The following INO80 variants were observed in gnomAD, a reference collection of about 807,000 sequenced individuals.
INO80 encodes chromatin-remodeling ATPase INO80.
In INO80, 20 loss-of-function variants were observed where a neutral mutation model predicts 203.4. The observed-to-expected ratio is 0.10, with a 90% CI of 0.07 to 0.14. The LOEUF (loss-of-function observed/expected upper bound fraction) is 0.14. INO80 is among the 10% of genes least tolerant of loss of function. The pLI is 1.00. For missense variants in INO80, 1,419 were observed against 1,914.4 expected, an observed-to-expected ratio of 0.74 and a Z score of 4.83; for synonymous variants, 726 against 685.2, an observed-to-expected ratio of 1.06 and a Z score of -0.93.
intron 14 of INO80, among the ~76,000 whole-genome samples, chr15:41,065,079 G>C (rs184776509): frequency 6.6e-6 from 1 of 152,100 alleles, no homozygotes; most frequent in Non-Finnish European, 1.5e-5. Flanking sequence ...CACATTCTAT[G>C]AAAGTTTATT....
chr15:40,998,899 C>T (rs2043918104), intron 28 of INO80, among the ~76,000 whole-genome samples: 2 of 151,788 alleles, frequency 1.3e-5, no homozygotes, highest in African/African-American at 2.4e-5. Flanking sequence ...AGGTGATGCA[C>T]GTGCCTCAGC....
At chr15:41,011,654 G>A (rs891853402) in intron 27 of INO80, 1 of 151,804 alleles carries the variant, frequency 6.6e-6, no homozygotes, top group East Asian at 1.9e-4. Flanking sequence ...TATCAAGTGT[G>A]CCAATCCAAT....
chr15:41,112,978 C>T (rs2045979391), intron 1 of INO80, among the ~76,000 whole-genome samples: 1 of 151,576 alleles, frequency 6.6e-6, no homozygotes, highest in Admixed American at 6.6e-5. Context: ...TGCAGTGGCT[C>T]GATCTCGGCT....
chr15:41,085,556 C>G lies in INO80; in HGVS notation c.686G>C (p.Arg229Thr), dbSNP rs1566943476. 1 of 1,614,054 alleles carries G rather than the reference C, an allele frequency of 6.2e-7. No homozygotes were observed. Among genetic ancestry groups the G allele is most frequent in the African/African-American group, 1.3e-5 (1 of 75,036 alleles). Residue 229 changes from arginine (R) to threonine (T), a missense_variant, in exon 7 of 36, where the codon AGA (arginine) becomes ACA (threonine). Arg to Thr is a moderately conservative substitution (Grantham distance 71, BLOSUM62 -1). Around this residue, in one of 9 missense-constraint regions of INO80, gnomAD observed 323 missense variants for 325.4 expected, o/e 0.99. Coordinates refer to ENST00000648947, the MANE Select transcript of INO80 (RefSeq NM_017553.3). ...KAKLKKVKKK[R>T]RRDEELSSEE... The stretch of plus-strand genomic sequence containing the variant: ...AGAGGAAAGTTCTTCATCTCTTCGT[C>G]TTTTTTTCTTCACTTTTTTCAACTT...
chr15:41,096,945 G>A (rs1019124949), intron 1 of INO80, among the ~76,000 whole-genome samples: 7 of 152,212 alleles, frequency 4.6e-5, no homozygotes, highest in African/African-American at 1.7e-4. Flanking sequence ...GAGTAAAAGT[G>A]AGGGTGAGAA....
intron 29 of INO80, among the ~76,000 whole-genome samples, chr15:40,992,153 G>C (rs1386858268): frequency 1.3e-5 from 2 of 152,262 alleles, no homozygotes; most frequent in Non-Finnish European, 2.9e-5. Context: ...TCTCCCAAGA[G>C]AATAAGCGGA....
Position 41,081,086 on chromosome 15 carries a change from A to G in INO80, c.874-13T>C, listed in dbSNP as rs772519649. On this transcript the variant is annotated splice_polypyrimidine_tract_variant and intron_variant, in intron 7 of 35. Coordinates refer to ENST00000648947, the MANE Select transcript of INO80 (RefSeq NM_017553.3). ...TCTGCTTATTTGCCTAAAATATTTA[A>G]AAAACAATATTTCATTTAGGATTCA... The G allele has an allele frequency of 2.6e-6, 4 of 1,523,550 alleles. No homozygotes were observed. Among genetic ancestry groups the G allele is most frequent in the Non-Finnish European group, 3.6e-6 (4 of 1,098,732 alleles). The allele number at this position is 1,523,550 out of a possible 1,614,324, so 94.4% of individuals were successfully genotyped here.
intron 17 of INO80, among the ~76,000 whole-genome samples, chr15:41,055,804 G>A (rs2044972037): frequency 1.3e-5 from 2 of 152,128 alleles, no homozygotes; most frequent in Non-Finnish European, 2.9e-5. Context: ...TTGAAACATA[G>A]CCATGGCCAT....
chr15:41,035,659 A>G (rs879664866), intron 24 of INO80, among the ~76,000 whole-genome samples: 13 of 150,902 alleles, frequency 8.6e-5, no homozygotes, highest in Admixed American at 8.6e-4. Context: ...GTTTCTATTA[A>G]AAAATATAAA....
At chr15:41,005,269 T>C (rs903512815) in intron 28 of INO80, 1 of 212,138 alleles carries the variant, frequency 4.7e-6, no homozygotes, top group African/African-American at 2.3e-5. Context: ...TGGATTTTTT[T>C]CTACATACCT....
rs539629538 is a variant in INO80 at position 41,076,505 on chromosome 15, T to C, written c.1132-1940A>G. ...TAATGTCAGAAGGCTAAATTAAAAG[T>C]GCCTTTCAGGTGGACTGCTTGATCT... On this transcript the variant is annotated intron_variant, in intron 9 of 35. Coordinates refer to ENST00000648947, the MANE Select transcript of INO80 (RefSeq NM_017553.3). Among the ~76,000 whole-genome samples, 7 of 151,270 alleles carry C rather than the reference T, an allele frequency of 4.6e-5. No homozygotes were observed. In the South Asian group the frequency reaches 1.0e-3, roughly 23 times the overall value.
Position 41,048,269 on chromosome 15 carries a change from T to C in INO80, c.2584A>G (p.Arg862Gly). Residue 862 changes from arginine to glycine, a missense_variant, in exon 22 of 36, where the codon AGG becomes GGG. Physicochemically the swap from Arg to Gly is moderately radical, Grantham distance 125. This residue lies in a region of INO80 where 302 missense variants were observed against 345.4 expected (regional missense o/e 0.87). Transcript: ENST00000648947. ...VFNHSRDRWL[R>G]VLSPFAPDYI... ...TCTGGTGCAAATGGAGAAAGAACCC[T>C]TAACCACCTGCAAAGTAAGTAAATA... The C allele has an allele frequency of 6.2e-7, 1 of 1,611,758 alleles. No individual in the cohort carries two copies. Among genetic ancestry groups the C allele is most frequent in the Non-Finnish European group, 8.5e-7 (1 of 1,178,092 alleles).
chr15:40,999,441 G>A (rs78395142), intron 28 of INO80: 11,317 of 152,220 alleles, frequency 0.074, 527 homozygotes, highest in Non-Finnish European at 0.11. Context: ...AATCACTAAG[G>A]TAGGTATGTC....
intron 25 of INO80, among the ~76,000 whole-genome samples, chr15:41,025,277 CATGT>C (rs2044358360): frequency 6.6e-6 from 1 of 152,156 alleles, no homozygotes; most frequent in Non-Finnish European, 1.5e-5. Context: ...ATGGGGCATG[CATGT>C]GTGAGAGAGT....
At chr15:41,009,280 G>A (rs2044098130) in intron 27 of INO80, among the ~76,000 whole-genome samples, 1 of 146,042 alleles carries the variant, frequency 6.8e-6, no homozygotes, top group African/African-American at 2.5e-5. Flanking sequence ...TGTGCACAAT[G>A]TGCAGGTTAG....
chr15:41,016,242 G>T (rs770160409), intron 26 of INO80, 27 bp from the exon 27 acceptor site: 30 of 1,608,434 alleles, frequency 1.9e-5, no homozygotes, highest in Admixed American at 3.4e-5. Context: ...GGGGTGAGGG[G>T]GAACTGTATT....
At chr15:41,084,510 G>A (rs1455822157) in intron 7 of INO80, among the ~76,000 whole-genome samples, 1 of 152,128 alleles carries the variant, frequency 6.6e-6, no homozygotes, top group Non-Finnish European at 1.5e-5. Context: ...AGTGAGCCGA[G>A]ATGATGACAC....
chr15:40,998,257 G>A (rs760622634), intron 28 of INO80, among the ~76,000 whole-genome samples: 36 of 151,786 alleles, frequency 2.4e-4, no homozygotes, highest in Non-Finnish European at 4.9e-4. Flanking sequence ...TCCTGACCTC[G>A]TGATCCGCCC....
intron 26 of INO80, chr15:41,017,778 G>C (rs539758165): frequency 6.6e-6 from 1 of 152,368 alleles, no homozygotes; most frequent in African/African-American, 2.4e-5. Flanking sequence ...CTGAAGCTGT[G>C]GCACACACCT....
Sources: gnomAD v4.1 joint callset for allele counts (sites outside exome capture counted in the v4.1 genomes callset) on GRCh38, gnomAD v4.1.1 for gene constraint, gnomAD v4.1.1 regional missense constraint, MANE v1.5 for transcripts, NCBI Gene and HGNC (gene_info 2026-07-23, HGNC 2026-07-21) for gene names.